Variants in MRI1 observed in about 807,000 individuals in gnomAD.
MRI1 encodes methylthioribose-1-phosphate isomerase.
A neutral mutation model predicts 27.3 loss-of-function variants in MRI1; 32 were observed. The observed-to-expected ratio is 1.17, with a 90% CI of 0.88 to 1.57. The LOEUF (loss-of-function observed/expected upper bound fraction) is 1.57. MRI1 is among the 40% of genes most tolerant of loss of function. The pLI, the probability that MRI1 is intolerant of heterozygous loss-of-function variation, is 0.00. For synonymous variants in MRI1, 216 were observed against 227.4 expected (o/e 0.95, Z 0.45); for missense variants, 508 against 516.1 (o/e 0.98, Z 0.15).
intron 3 of MRI1, among the ~76,000 whole-genome samples, chr19:13,767,698 G>A (rs923821696): frequency 2.0e-5 from 3 of 151,692 alleles, no homozygotes; most frequent in Non-Finnish European, 2.9e-5. Context: ...CCACCTATTC[G>A]GGAGGGGACT....
Position 13,768,834 on chromosome 19 carries a change from G to C in MRI1, c.735G>C (p.Val245=). 2 of 1,607,186 alleles carry C rather than the reference G, an allele frequency of 1.2e-6. No individual in the cohort carries two copies. Among genetic ancestry groups the C allele is most frequent in the Non-Finnish European group, 1.7e-6 (2 of 1,175,362 alleles). The change falls in exon 5 of 6, where the codon GTG becomes GTC. Residue 245 remains valine (V), a synonymous_variant. Transcript: ENST00000040663. ...ACGCCCCCTCCCCAGCTGTGGTCGT[G>C]GGAGCTGACCGCGTGGTTGCCAACG... The part of the protein sequence containing the change: ...MAHRGVSAVV[V]GADRVVANGD...
rs1213157233 is a variant in MRI1 at position 13,768,546 on chromosome 19, G to A, written c.548-15G>A. On this transcript the variant is annotated splice_polypyrimidine_tract_variant and intron_variant, in intron 3 of 5. Transcript: ENST00000040663. ...CCTCCCCGGGGCCTTCTCCTGGTGG[G>A]TGGGGCCCCCGCAGGTGTGATTCGC... The A allele has an allele frequency of 2.5e-6, 4 of 1,598,890 alleles. No individual in the cohort carries two copies. The highest frequency in any genetic ancestry group is 1.7e-5 in the Admixed American group (1 of 58,530).
intron 3 of MRI1, among the ~76,000 whole-genome samples, chr19:13,768,128 A>C (rs1317230635): frequency 6.6e-6 from 1 of 151,844 alleles, no homozygotes; most frequent in African/African-American, 2.4e-5. Context: ...TAGGCCTCCC[A>C]AAGTGCTGGG....
intron 2 of MRI1, among the ~76,000 whole-genome samples, chr19:13,765,626 CGCTGCT>C (rs1974105509): frequency 1.3e-5 from 2 of 152,190 alleles, no homozygotes; most frequent in African/African-American, 4.8e-5. Context: ...CCAGCTCACC[CGCTGCT>C]CTCTGTTGCC....
rs1375344352 is a variant in MRI1 at position 13,767,071 on chromosome 19, CAG to C, written c.547+945_547+946del. On this transcript the variant is annotated intron_variant, in intron 3 of 5. Coordinates refer to ENST00000040663, the MANE Select transcript of MRI1 (RefSeq NM_001031727.4). ...TTTTTTTTTTTTTTTTTTTTTGAGACAGAGTCTTGCTCTGTCGCCCAGGCTGG... is the reference window on the plus strand; with the variant it reads ...TTTTTTTTTTTTTTTTTTTTTGAGACAGTCTTGCTCTGTCGCCCAGGCTGG... Among the ~76,000 whole-genome samples the C allele has an allele frequency of 4.2e-4, 23 of 54,936 alleles. No homozygotes were observed. In the South Asian group the frequency reaches 0.011, roughly 27 times the overall value. The allele number at this position is 54,936 out of a possible 152,430, so 36.0% of individuals were successfully genotyped here.
intron 3 of MRI1, among the ~76,000 whole-genome samples, chr19:13,766,916 G>T (rs769391160): frequency 2.0e-5 from 3 of 149,584 alleles, no homozygotes; most frequent in Non-Finnish European, 4.4e-5. Flanking sequence ...TGGGGGACTG[G>T]TTCCAGGACC....
chr19:13,771,426 G>T (rs960390923), intron 5 of MRI1, among the ~76,000 whole-genome samples: 2 of 152,210 alleles, frequency 1.3e-5, no homozygotes, highest in East Asian at 3.9e-4. Flanking sequence ...AGCTGCTCAG[G>T]AGGCTGCAGC....
At position 13,772,551 on chromosome 19, in the gene MRI1, G is replaced by C. The variant is rs1053448238; in HGVS notation, c.*270G>C. 1.7e-5 allele frequency: 5 copies of C among 289,264 alleles called. No individual in the cohort carries two copies. The highest frequency in any genetic ancestry group is 8.8e-5 in the African/African-American group (4 of 45,328). The allele number at this position is 289,264 out of a possible 1,614,324, so 17.9% of individuals were successfully genotyped here. Reference sequence around the variant, plus strand: ...ATTTATAAAATGTGGATAACAGGCCGGGCGCAGTGGCTCACACCTGTAATC... The same window carrying C: ...ATTTATAAAATGTGGATAACAGGCCCGGCGCAGTGGCTCACACCTGTAATC... On this transcript the variant is annotated 3_prime_UTR_variant, in exon 6 of 6. Transcript: ENST00000040663.
In MRI1 at chr19:13,772,198, G is replaced by GAGCCCC; in HGVS notation, c.1027_1028insAGCCCC (p.Val343delinsGluProLeu). On this transcript the variant is annotated protein_altering_variant, in exon 6 of 6. Transcript: ENST00000040663. ...TGGTGGCATCATCACAGAACTGGGG[G>GAGCCCC]TCTTTGCCCCTGAGGAGCTCCGGAC... 6.2e-7 allele frequency: 1 copy of GAGCCCC among 1,614,024 alleles called. No homozygotes were observed. Among genetic ancestry groups the GAGCCCC allele is most frequent in the Non-Finnish European group, 8.5e-7 (1 of 1,179,964 alleles).
At chr19:13,768,348 C>A in intron 3 of MRI1, 1 of 1,309,936 alleles carries the variant, frequency 7.6e-7, no homozygotes, top group Non-Finnish European at 1.1e-6. Context: ...GAGAAGGTGT[C>A]CTTTAAACAG....
chr19:13,772,472 C>A lies in MRI1; in HGVS notation c.*191C>A, dbSNP rs1179879629. 7 of 541,782 alleles carry A rather than the reference C, an allele frequency of 1.3e-5. No individual in the cohort carries two copies. The highest frequency in any genetic ancestry group is 2.0e-5 in the Non-Finnish European group (6 of 307,378). The allele number at this position is 541,782 out of a possible 1,614,324, so 33.6% of individuals were successfully genotyped here. On this transcript the variant is annotated 3_prime_UTR_variant, in exon 6 of 6. Transcript: ENST00000040663. The stretch of plus-strand genomic sequence containing the variant: ...TTCAAATCCTGACTCCGCCACTTTT[C>A]CCACTGTATGATCTTGGGCAAGTCA...
intron 3 of MRI1, among the ~76,000 whole-genome samples, chr19:13,768,160 G>A (rs1046035362): frequency 1.1e-4 from 16 of 151,914 alleles, no homozygotes; most frequent in African/African-American, 2.9e-4. Flanking sequence ...GAGCCACCAC[G>A]CCCAGCCCAA....
intron 4 of MRI1, 33 bp downstream of exon 4, chr19:13,768,770 C>T (rs1158291059): frequency 1.3e-6 from 2 of 1,596,870 alleles, no homozygotes; most frequent in African/African-American, 1.3e-5. Context: ...GGGCGGGGCT[C>T]TGGAGCATGG....
At chr19:13,772,074 C>G in intron 5 of MRI1, 47 bp from the exon 6 acceptor site, 1 of 1,550,918 alleles carries the variant, frequency 6.4e-7, no homozygotes, top group Non-Finnish European at 8.7e-7. Context: ...TGAGAACTTT[C>G]ACAGAAGCAA....
chr19:13,770,743 C>T (rs1372982258), intron 5 of MRI1, among the ~76,000 whole-genome samples: 1 of 151,796 alleles, frequency 6.6e-6, no homozygotes, highest in East Asian at 1.9e-4. Flanking sequence ...ATTAGCCGGG[C>T]GTGGTGGCAC....
Position 13,765,006 on chromosome 19 carries a change from CGGCCCACCGCTGTCAACAT to C in MRI1, c.274_292del (p.Thr92AlafsTer28). The stretch of plus-strand genomic sequence containing the variant: ...CAAGCTGAGCTTCCTCGTCACCGCC[CGGCCCACCGCTGTCAACAT>C]GGCCCGCGCCGCCCGCGACCTGGCT... On this transcript the variant is annotated frameshift_variant, in exon 2 of 6. Transcript: ENST00000040663. LOFTEE classifies it high-confidence loss of function. 6.6e-7 allele frequency: 1 copy of C among 1,523,632 alleles called. No individual in the cohort carries two copies. Among genetic ancestry groups the C allele is most frequent in the South Asian group, 1.2e-5 (1 of 82,390 alleles). 94.4% of individuals were successfully genotyped at this position (1,523,632 alleles called of 1,614,324 possible).
At position 13,772,243 on chromosome 19, in the gene MRI1, T is replaced by G. The variant is rs868783570; in HGVS notation, c.1072T>G (p.Ser358Ala). Residue 358 changes from serine to alanine, a missense_variant, in exon 6 of 6, where the codon TCT becomes GCT. By Grantham distance (99) the Ser-to-Ala change is moderately conservative. Coordinates refer to ENST00000040663, the MANE Select transcript of MRI1 (RefSeq NM_001031727.4). ...ELRTALTTTI[S>A]SRDGTLDGPQ... ...CCGGACAGCCCTAACCACCACCATCTCTTCCAGGGATGGAACCCTAGATGG... is the reference window on the plus strand; with the variant it reads ...CCGGACAGCCCTAACCACCACCATCGCTTCCAGGGATGGAACCCTAGATGG... The G allele has an allele frequency of 6.2e-7, 1 of 1,614,010 alleles. No individual in the cohort carries two copies. The highest frequency in any genetic ancestry group is 1.3e-5 in the African/African-American group (1 of 75,028).
At position 13,768,639 on chromosome 19, in the gene MRI1, C is replaced by T; in HGVS notation, c.626C>T (p.Ala209Val). The T allele has an allele frequency of 1.2e-6, 2 of 1,613,662 alleles. No homozygotes were observed. The highest frequency in any genetic ancestry group is 8.5e-7 in the Non-Finnish European group (1 of 1,179,922). The change falls in exon 4 of 6, where the codon GCC becomes GTC. Residue 209 changes from alanine to valine, a missense_variant. By Grantham distance (64) the Ala-to-Val change is moderately conservative. This residue lies in a region of MRI1 where 457 missense variants were observed against 452.8 expected (regional missense o/e 1.01). Coordinates refer to ENST00000040663, the MANE Select transcript of MRI1 (RefSeq NM_001031727.4). ...CTETRPYNQGARLTAFELVYE... is the reference protein window; with the variant it reads ...CTETRPYNQGVRLTAFELVYE... ...GAGACCCGGCCCTACAACCAGGGAGCCCGGCTGACGGCCTTTGAGCTGGTC... is the reference window on the plus strand; with the variant it reads ...GAGACCCGGCCCTACAACCAGGGAGTCCGGCTGACGGCCTTTGAGCTGGTC...
In MRI1 at chr19:13,768,806, C is replaced by T. The variant is rs1233024406; in HGVS notation, c.725-18C>T. On this transcript the variant is annotated intron_variant, in intron 4 of 5. Coordinates refer to ENST00000040663, the MANE Select transcript of MRI1 (RefSeq NM_001031727.4). The stretch of plus-strand genomic sequence containing the variant: ...GGCCAGGTAATGACCCCCAACTTCT[C>T]ATACGCCCCCTCCCCAGCTGTGGTC... 3 of 1,594,798 alleles carry T rather than the reference C, an allele frequency of 1.9e-6. No individual in the cohort carries two copies. Among genetic ancestry groups the T allele is most frequent in the Non-Finnish European group, 2.6e-6 (3 of 1,167,756 alleles).
Sources: allele counts gnomAD v4.1 joint callset (sites outside exome capture counted in the v4.1 genomes callset), GRCh38; gene constraint gnomAD v4.1.1; regional missense constraint gnomAD v4.1.1; transcripts MANE v1.5; gene names NCBI Gene and HGNC (gene_info 2026-07-23, HGNC 2026-07-21).